The following CAVIN2 variants were observed in gnomAD, a reference collection of about 807,000 sequenced individuals.
CAVIN2 encodes caveolae associated protein 2.
In CAVIN2, 13 loss-of-function variants were observed where a neutral mutation model predicts 11.7. The ratio of observed to expected loss-of-function variants is 1.11; its 90% confidence interval spans 0.72 to 1.77. CAVIN2 has a LOEUF of 1.77. Among genes scored for constraint, CAVIN2 ranks in the 40% most tolerant of loss-of-function variants. CAVIN2 has a pLI of 0.00. For synonymous variants in CAVIN2, 237 were observed against 223.2 expected (o/e 1.06, Z -0.55); for missense variants, 549 against 542.9 (o/e 1.01, Z -0.11).
At chr2:191,843,920 C>A (rs1484028055) in intron 1 of CAVIN2, among the ~76,000 whole-genome samples, 1 of 152,170 alleles carries the variant, frequency 6.6e-6, no homozygotes, top group Non-Finnish European at 1.5e-5. Context: ...GCTTTGAAAT[C>A]AATTAAACAT....
In CAVIN2 at chr2:191,836,651, C is replaced by T. The variant is rs766471635; in HGVS notation, c.550G>A (p.Glu184Lys). ...GATTTGTTTTCATCCGGAAGCTCCT[C>T]CTTCCCTTCCACGGCACCGGAAACG... ...QPVSGAVEGK[E>K]ELPDENKSLE... is the part of the protein sequence containing the mutation. The change falls in exon 2 of 2, where the codon GAG becomes AAG. Residue 184 changes from glutamate (E) to lysine (K), a missense_variant. By Grantham distance (56) the Glu-to-Lys change is moderately conservative. Coordinates refer to ENST00000304141, the MANE Select transcript of CAVIN2 (RefSeq NM_004657.6). 1.1e-4 allele frequency: 172 copies of T among 1,614,094 alleles called. No individual in the cohort carries two copies. Among genetic ancestry groups the T allele is most frequent in the Admixed American group, 5.2e-4 (31 of 60,006 alleles).
At chr2:191,845,615 C>A (rs1426211263) in intron 1 of CAVIN2, among the ~76,000 whole-genome samples, 1 of 152,172 alleles carries the variant, frequency 6.6e-6, no homozygotes, top group Non-Finnish European at 1.5e-5. Flanking sequence ...GAGCCCCACG[C>A]AATCTCCCTG....
chr2:191,846,337 T>C, intron 1 of CAVIN2, 106 bp downstream of exon 1: 1 of 1,350,892 alleles, frequency 7.4e-7, no homozygotes, highest in Non-Finnish European at 1.0e-6. Context: ...GTGTGATCCC[T>C]GACAGGCAGG....
At position 191,844,006 on chromosome 2, in the gene CAVIN2, TC is replaced by T. The variant is rs557003577; in HGVS notation, c.483+2436del. 1.2e-4 allele frequency among the ~76,000 whole-genome samples: 18 copies of T among 152,326 alleles called. No homozygotes were observed. The East Asian group carries it at 3.3e-3, about 28-fold the overall frequency. On this transcript the variant is annotated intron_variant, in intron 1 of 1. Coordinates refer to ENST00000304141, the MANE Select transcript of CAVIN2 (RefSeq NM_004657.6). ...CCATAAACGTTTTCGAATCTCAACA[TC>T]CTCATCTGTAGATTCGGGATAAATG...
intron 1 of CAVIN2, among the ~76,000 whole-genome samples, 172 bp downstream of exon 1, chr2:191,846,271 T>C (rs142717135): frequency 5.9e-5 from 9 of 152,344 alleles, no homozygotes; most frequent in Admixed American, 2.0e-4. Context: ...TTCCCACCCC[T>C]GTGTGAAGAT....
chr2:191,834,767 A>C lies in CAVIN2; in HGVS notation c.*1156T>G, dbSNP rs1288721277. The stretch of plus-strand genomic sequence containing the variant: ...AATATGTAAATAAAATATAATCTGG[A>C]ATGAAATTCCCATTATGTACAAAAA... On this transcript the variant is annotated 3_prime_UTR_variant, in exon 2 of 2. Coordinates refer to ENST00000304141, the MANE Select transcript of CAVIN2 (RefSeq NM_004657.6). The C allele has an allele frequency of 2.6e-5, 4 of 152,110 alleles. No individual in the cohort carries two copies. Among genetic ancestry groups the C allele is most frequent in the African/African-American group, 9.7e-5 (4 of 41,436 alleles). 9.4% of individuals were successfully genotyped at this position (152,110 alleles called of 1,614,324 possible).
chr2:191,843,584 T>C (rs962161243), intron 1 of CAVIN2, among the ~76,000 whole-genome samples: 6 of 152,194 alleles, frequency 3.9e-5, no homozygotes, highest in Admixed American at 1.3e-4. Flanking sequence ...TTTGGGAAGA[T>C]TCCTTTGCTT....
At chr2:191,838,725 G>A (rs1415863836) in intron 1 of CAVIN2, among the ~76,000 whole-genome samples, 2 of 152,348 alleles carry the variant, frequency 1.3e-5, no homozygotes, top group Non-Finnish European at 2.9e-5. Context: ...TGAGGGCAGG[G>A]ATTTTTGTCT....
At position 191,846,899 on chromosome 2, in the gene CAVIN2, T is replaced by G. The variant is rs543742748; in HGVS notation, c.27A>C (p.Glu9Asp). The G allele has an allele frequency of 6.2e-7, 1 of 1,612,988 alleles. No homozygotes were observed. Among genetic ancestry groups the G allele is most frequent in the Admixed American group, 1.7e-5 (1 of 59,954 alleles). Reference sequence around the variant, plus strand: ...TGTCAGACCCAGGGTGCTGGAACTTTTCGGCCTGTGCAGCGTCCTCTCCCA... The same window carrying G: ...TGTCAGACCCAGGGTGCTGGAACTTGTCGGCCTGTGCAGCGTCCTCTCCCA... MGEDAAQA[E>D]KFQHPGSDMR... is the part of the protein sequence containing the mutation. Residue 9 changes from glutamate (E) to aspartate (D), a missense_variant, in exon 1 of 2, where the codon GAA (glutamate) becomes GAC (aspartate). Glu to Asp is a conservative substitution (Grantham distance 45). Coordinates refer to ENST00000304141, the MANE Select transcript of CAVIN2 (RefSeq NM_004657.6).
At chr2:191,839,567 T>C (rs983119101) in intron 1 of CAVIN2, among the ~76,000 whole-genome samples, 9 of 152,138 alleles carry the variant, frequency 5.9e-5, no homozygotes, top group African/African-American at 2.2e-4. Context: ...GGAAACCCAA[T>C]TGAACTCTTT....
rs767156465 is a variant in CAVIN2 at position 191,846,681 on chromosome 2, C to G, written c.245G>C (p.Arg82Pro). Residue 82 changes from arginine to proline, a missense_variant, in exon 1 of 2, where the codon CGA becomes CCA. Coordinates refer to ENST00000304141, the MANE Select transcript of CAVIN2 (RefSeq NM_004657.6). ...VQENQHKMEQRQISLEGSVKG... is the reference protein window; with the variant it reads ...VQENQHKMEQPQISLEGSVKG... ...CACGGAGCCCTCCAAACTGATCTGT[C>G]GCTGCTCCATCTTGTGCTGGTTCTC... The G allele has an allele frequency of 4.3e-6, 7 of 1,614,204 alleles. No individual in the cohort carries two copies. The South Asian group carries it at 5.5e-5, about 13-fold the overall frequency.
chr2:191,839,151 A>AT (rs1690059996), intron 1 of CAVIN2, among the ~76,000 whole-genome samples: 1 of 152,222 alleles, frequency 6.6e-6, no homozygotes, highest in Non-Finnish European at 1.5e-5. Flanking sequence ...AGAAACCAAG[A>AT]GATCAGTGAA....
rs777549803 is a variant in CAVIN2 at position 191,846,454 on chromosome 2, G to A, written c.472C>T (p.Leu158Phe). The change falls in exon 1 of 2, where the codon CTC (leucine) becomes TTC (phenylalanine). Residue 158 changes from leucine (L) to phenylalanine (F), a missense_variant. By Grantham distance (22) the Leu-to-Phe change is conservative. Coordinates refer to ENST00000304141, the MANE Select transcript of CAVIN2 (RefSeq NM_004657.6). ...QLLRRNHFKV[L>F]IFQEENEIPA... ...TAGGGGGAACTGACCTGGAAGATGA[G>A]CACTTTGAAATGGTTGCGTCGGAGG... is the stretch of plus-strand genomic sequence containing the variant. 2 of 1,612,444 alleles carry A rather than the reference G, an allele frequency of 1.2e-6. No homozygotes were observed. Among genetic ancestry groups the A allele is most frequent in the East Asian group, 2.2e-5 (1 of 44,858 alleles).
chr2:191,840,295 C>T (rs530553609), intron 1 of CAVIN2, among the ~76,000 whole-genome samples: 10 of 152,172 alleles, frequency 6.6e-5, no homozygotes, highest in Non-Finnish European at 1.2e-4. Context: ...ACTTAGGGTT[C>T]GTAGCTCCTG....
rs1689991903 is a variant in CAVIN2 at position 191,835,023 on chromosome 2, T to G, written c.*900A>C. 6.6e-6 allele frequency: 1 copy of G among 150,830 alleles called. No individual in the cohort carries two copies. Among genetic ancestry groups the G allele is most frequent in the South Asian group, 2.1e-4 (1 of 4,782 alleles). The allele number at this position is 150,830 out of a possible 1,614,324, so 9.3% of individuals were successfully genotyped here. A position where few individuals can be genotyped will look rare whatever the true frequency, so the allele number is the denominator to read the frequency against. The stretch of plus-strand genomic sequence containing the variant: ...AACTTCCTTAAAGAAATATTTGTAA[T>G]GTCCTTTATTTATTAAGAAAAATAC... On this transcript the variant is annotated 3_prime_UTR_variant, in exon 2 of 2. Coordinates refer to ENST00000304141, the MANE Select transcript of CAVIN2 (RefSeq NM_004657.6).
In CAVIN2 at chr2:191,836,535, C is replaced by G; in HGVS notation, c.666G>C (p.Lys222Asn). The part of the protein sequence containing the change: ...EEALEDSAEE[K>N]VEESRAEKIK... ...TTTTCTCTGCCCTACTTTCTTCCAC[C>G]TTTTCCTCGGCACTGTCTTCCAGGG... Residue 222 changes from lysine (K) to asparagine (N), a missense_variant, in exon 2 of 2, where the codon AAG (lysine) becomes AAC (asparagine). Lys to Asn is a moderately conservative substitution (Grantham distance 94). Coordinates refer to ENST00000304141, the MANE Select transcript of CAVIN2 (RefSeq NM_004657.6). 1.2e-6 allele frequency: 2 copies of G among 1,614,086 alleles called. No individual in the cohort carries two copies. The highest frequency in any genetic ancestry group is 1.7e-6 in the Non-Finnish European group (2 of 1,180,028).
chr2:191,834,499 C>T lies in CAVIN2; in HGVS notation c.*1424G>A, dbSNP rs1429943883. ...GTTTGTTAATATTGTCTTGGATTAA[C>T]TCTATTTGTAAGGTTACTTATAGTG... On this transcript the variant is annotated 3_prime_UTR_variant, in exon 2 of 2. Coordinates refer to ENST00000304141, the MANE Select transcript of CAVIN2 (RefSeq NM_004657.6). 6.6e-6 allele frequency: 1 copy of T among 152,114 alleles called. No homozygotes were observed. Among genetic ancestry groups the T allele is most frequent in the Non-Finnish European group, 1.5e-5 (1 of 68,004 alleles). 9.4% of individuals were successfully genotyped at this position (152,114 alleles called of 1,614,324 possible). A position where few individuals can be genotyped will look rare whatever the true frequency, so the allele number is the denominator to read the frequency against.
rs1690029622 is a variant in CAVIN2 at position 191,836,814 on chromosome 2, A to G, written c.484-97T>C. The G allele has an allele frequency of 6.0e-6, 7 of 1,170,686 alleles. No homozygotes were observed. The East Asian group carries it at 1.8e-4, about 30-fold the overall frequency. The allele number at this position is 1,170,686 out of a possible 1,614,324, so 72.5% of individuals were successfully genotyped here. On this transcript the variant is annotated intron_variant, in intron 1 of 1. Coordinates refer to ENST00000304141, the MANE Select transcript of CAVIN2 (RefSeq NM_004657.6). ...GTGTGTCTGTTTTGGAGACACGGTG[A>G]TGGTAAAAAAACAAATGTTTGTGGC...
intron 1 of CAVIN2, among the ~76,000 whole-genome samples, chr2:191,837,017 TA>T (rs1690032396): frequency 1.3e-5 from 2 of 152,302 alleles, no homozygotes; most frequent in African/African-American, 4.8e-5. Context: ...GCTGCCTAGA[TA>T]ACAGAGCTAA....
Sources: gnomAD v4.1 joint callset for allele counts (sites outside exome capture counted in the v4.1 genomes callset) on GRCh38, gnomAD v4.1.1 for gene constraint, MANE v1.5 for transcripts, NCBI Gene and HGNC (gene_info 2026-07-23, HGNC 2026-07-21) for gene names.